The following METTL25 variants were observed in gnomAD, a reference collection of about 807,000 sequenced individuals.
METTL25 encodes the protein methyltransferase like 25.
Under a neutral mutation model 71.6 loss-of-function variants are expected in METTL25, and 64 were observed. That is an observed-to-expected ratio of 0.89 (90% confidence interval 0.73 to 1.10). METTL25 has a LOEUF of 1.10. Ranked by LOEUF, METTL25 falls within the 50% of genes least tolerant of loss-of-function variation. The pLI, the probability that METTL25 is intolerant of heterozygous loss-of-function variation, is 0.00. For missense variants in METTL25, 807 were observed against 707.0 expected (o/e 1.14, Z -1.60); for synonymous variants, 287 against 250.3 (o/e 1.15, Z -1.38).
intron 5 of METTL25, among the ~76,000 whole-genome samples, chr12:82,403,488 A>G (rs1886820982): frequency 6.6e-6 from 1 of 152,172 alleles, no homozygotes; most frequent in Non-Finnish European, 1.5e-5. Flanking sequence ...TGAATATTGA[A>G]TTTCAAAGTT....
Position 82,442,066 on chromosome 12 carries a change from C to A in METTL25, c.1478+3275C>A, listed in dbSNP as rs572513702. Among the ~76,000 whole-genome samples the A allele has an allele frequency of 5.3e-5, 8 of 152,130 alleles. No homozygotes were observed. In the East Asian group the frequency reaches 1.2e-3, roughly 22 times the overall value. Reference sequence around the variant, plus strand: ...GAGAGGCCTGCACTTCCTACCCAGCCAGCCATATGACACCCCTCGTTTCCC... The same window carrying A: ...GAGAGGCCTGCACTTCCTACCCAGCAAGCCATATGACACCCCTCGTTTCCC... On this transcript the variant is annotated intron_variant, in intron 8 of 11. Transcript: ENST00000248306.
In METTL25 at chr12:82,365,472, A is replaced by G. The variant is rs527778753; in HGVS notation, c.259+6648A>G. ...AAAAAAGCCAGTAGAGACAGCTTCT[A>G]AATATTTTGCTGATAGGATAAATAT... On this transcript the variant is annotated intron_variant, in intron 1 of 11. Transcript: ENST00000248306. Among the ~76,000 whole-genome samples, 4 of 152,338 alleles carry G rather than the reference A, an allele frequency of 2.6e-5. No individual in the cohort carries two copies. The East Asian group carries it at 5.8e-4, about 22-fold the overall frequency.
chr12:82,407,932 C>T (rs931548091), intron 5 of METTL25: 1 of 984,752 alleles, frequency 1.0e-6, no homozygotes, highest in Non-Finnish European at 1.2e-6. Flanking sequence ...TGTATCTTTG[C>T]TGTAGTAAAA....
chr12:82,386,939 C>T lies in METTL25; in HGVS notation c.396C>T (p.Ala132=). ...ICTPFEQLLV[A]LRGNQNQRIG... is the part of the protein sequence containing the mutation. ...CTCCTTTTGAACAGTTGCTTGTAGC[C>T]CTTCGAGGAAATCAAAACCAGAGAA... The change falls in exon 2 of 12, where the codon GCC becomes GCT. Residue 132 remains alanine, a synonymous_variant. Transcript: ENST00000248306. 6.2e-7 allele frequency: 1 copy of T among 1,612,596 alleles called. No homozygotes were observed. Among genetic ancestry groups the T allele is most frequent in the South Asian group, 1.1e-5 (1 of 90,946 alleles).
intron 4 of METTL25, 116 bp from the exon 5 acceptor site, chr12:82,402,867 G>A (rs1312721478): frequency 7.3e-6 from 5 of 680,888 alleles, no homozygotes; most frequent in Non-Finnish European, 9.5e-6. Flanking sequence ...CCTGTGAATA[G>A]CCACCACAGT....
chr12:82,399,560 A>G (rs1886400769), intron 4 of METTL25, among the ~76,000 whole-genome samples, 166 bp downstream of exon 4: 1 of 152,186 alleles, frequency 6.6e-6, no homozygotes, highest in South Asian at 2.1e-4. Flanking sequence ...TCAAAACCTG[A>G]CATGAGCCTG....
rs1159365262 is a variant in METTL25, at chr12:82,395,491, A to T, written c.532-3304A>T. ...GATCATGGATTTGCTCACAGTTCAG[A>T]TGTAGCTTATGAGAGACAGAAGGAG... On this transcript the variant is annotated intron_variant, in intron 3 of 11. Coordinates refer to ENST00000248306, the MANE Select transcript of METTL25 (RefSeq NM_032230.3). Among the ~76,000 whole-genome samples, 10 of 152,184 alleles carry T rather than the reference A, an allele frequency of 6.6e-5. No homozygotes were observed. In the South Asian group the frequency reaches 1.9e-3, roughly 28 times the overall value.
At chr12:82,477,247 C>A in intron 10 of METTL25, 34 bp from the exon 11 acceptor site, 1 of 980,604 alleles carries the variant, frequency 1.0e-6, no homozygotes, top group East Asian at 2.6e-5. Context: ...TTTTTAAGTA[C>A]CACCAACCTA....
In METTL25 at chr12:82,358,660, C is replaced by T. The variant is rs753996853; in HGVS notation, c.95C>T (p.Ser32Phe). ...GLLQFLRDAL[S>F]ISNAHTVDFY... ...CTGCAGTTCCTGAGGGATGCCCTGT[C>T]CATTTCCAATGCACATACCGTGGAT... Residue 32 changes from serine to phenylalanine, a missense_variant, in exon 1 of 12, where the codon TCC becomes TTC. Coordinates refer to ENST00000248306, the MANE Select transcript of METTL25 (RefSeq NM_032230.3). 6.2e-7 allele frequency: 1 copy of T among 1,614,174 alleles called. No individual in the cohort carries two copies. Among genetic ancestry groups the T allele is most frequent in the African/African-American group, 1.3e-5 (1 of 75,070 alleles).
chr12:82,413,246 G>A (rs1208325049), intron 5 of METTL25, among the ~76,000 whole-genome samples: 2 of 151,832 alleles, frequency 1.3e-5, no homozygotes, highest in African/African-American at 4.8e-5. Flanking sequence ...ACAACATTGG[G>A]CCATAAGTAT....
chr12:82,398,534 C>A (rs1886283201), intron 3 of METTL25, among the ~76,000 whole-genome samples: 2 of 152,024 alleles, frequency 1.3e-5, no homozygotes. Context: ...ACTATGTCAT[C>A]TATGTACAAA....
At chr12:82,383,151 G>C (rs1026568313) in intron 1 of METTL25, among the ~76,000 whole-genome samples, 1 of 151,978 alleles carries the variant, frequency 6.6e-6, no homozygotes, top group African/African-American at 2.4e-5. Flanking sequence ...TGCCAGACTT[G>C]ATTCTGAGAG....
rs774446423 is a variant in METTL25, at chr12:82,398,850, A to G, written c.587A>G (p.Tyr196Cys). 4.4e-6 allele frequency: 7 copies of G among 1,591,560 alleles called. No individual in the cohort carries two copies. The highest frequency in any genetic ancestry group is 5.1e-6 in the Non-Finnish European group (6 of 1,173,850). The change falls in exon 4 of 12, where the codon TAT becomes TGT. Residue 196 changes from tyrosine (Y) to cysteine (C), a missense_variant. Transcript: ENST00000248306. Reference sequence around the variant, plus strand: ...CTAAGCTCTTTTTTGTCCTTGAAGTATGGCTTAAAAGTTTATGGAATTGAT... The same window carrying G: ...CTAAGCTCTTTTTTGTCCTTGAAGTGTGGCTTAAAAGTTTATGGAATTGAT... Reference protein sequence around the residue: ...GYLSSFLSLKYGLKVYGIDSS... With the variant: ...GYLSSFLSLKCGLKVYGIDSS...
intron 5 of METTL25, among the ~76,000 whole-genome samples, chr12:82,404,118 C>T (rs573783170): frequency 7.9e-5 from 12 of 151,946 alleles, no homozygotes; most frequent in East Asian, 1.9e-4. Flanking sequence ...CACATTTTTA[C>T]GAAATATAGT....
At chr12:82,455,539 T>C (rs1258456781) in intron 8 of METTL25, among the ~76,000 whole-genome samples, 1 of 151,934 alleles carries the variant, frequency 6.6e-6, no homozygotes, top group Non-Finnish European at 1.5e-5. Context: ...AAAAAGAACA[T>C]GTACATTTAC....
intron 5 of METTL25, 46 bp downstream of exon 5, chr12:82,403,176 TGAAA>T: frequency 6.5e-7 from 1 of 1,537,354 alleles, no homozygotes; most frequent in Non-Finnish European, 8.8e-7. Context: ...TTGAGCATAA[TGAAA>T]TATGCTATTT....
intron 5 of METTL25, among the ~76,000 whole-genome samples, chr12:82,417,586 AATTC>A (rs1487742724): frequency 3.3e-5 from 5 of 152,164 alleles, no homozygotes; most frequent in South Asian, 2.1e-4. Context: ...TGAATTTAAT[AATTC>A]ATTCATACAT....
At chr12:82,455,932 C>T (rs1332717029) in intron 8 of METTL25, among the ~76,000 whole-genome samples, 1 of 151,782 alleles carries the variant, frequency 6.6e-6, no homozygotes, top group Non-Finnish European at 1.5e-5. Flanking sequence ...TTGGAATAAT[C>T]AGGACATGAT....
At chr12:82,468,571 A>G (rs772286783) in intron 9 of METTL25, 16 of 152,432 alleles carry the variant, frequency 1.0e-4, no homozygotes, top group Admixed American at 7.2e-4. Flanking sequence ...CCTTGCATCT[A>G]TGATGGAGAG....
Sources: allele counts gnomAD v4.1 joint callset (sites outside exome capture counted in the v4.1 genomes callset), GRCh38; gene constraint gnomAD v4.1.1; transcripts MANE v1.5; gene names NCBI Gene and HGNC (gene_info 2026-07-23, HGNC 2026-07-21).